NAV1: variants seen among roughly 807,000 people sequenced by gnomAD.
NAV1 encodes the protein neuron navigator 1.
In NAV1, 18 loss-of-function variants were observed where a neutral mutation model predicts 175.2. The ratio of observed to expected loss-of-function variants is 0.10; its 90% confidence interval spans 0.07 to 0.15. The LOEUF is 0.15. Among genes scored for constraint, NAV1 ranks in the 10% least tolerant of loss-of-function variants. The pLI, the probability that NAV1 is intolerant of heterozygous loss-of-function variation, is 1.00. For missense variants in NAV1, 1,731 were observed against 2,436.6 expected, an observed-to-expected ratio of 0.71 and a Z score of 6.10; for synonymous variants, 897 against 978.7, an observed-to-expected ratio of 0.92 and a Z score of 1.56.
intron 1 of NAV1, among the ~76,000 whole-genome samples, chr1:201,582,065 C>T (rs991502152): frequency 2.0e-5 from 3 of 152,202 alleles, no homozygotes; most frequent in Non-Finnish European, 4.4e-5. Flanking sequence ...CACTGCACTC[C>T]AGACTGGGTG....
chr1:201,760,769 A>T (rs1674787530), intron 3 of NAV1, among the ~76,000 whole-genome samples: 1 of 152,164 alleles, frequency 6.6e-6, no homozygotes, highest in Non-Finnish European at 1.5e-5. Flanking sequence ...ACAAAGGGTC[A>T]TTGTGTCACA....
intron 1 of NAV1, among the ~76,000 whole-genome samples, chr1:201,550,010 CAAAAAAAAAA>C (rs1186985996): frequency 5.7e-5 from 1 of 17,696 alleles, no homozygotes; most frequent in Non-Finnish European, 1.1e-4. Flanking sequence ...GACTCCATCT[CAAAAAAAAAA>C]AAAAAAAAAA....
chr1:201,541,387 G>A (rs960792775), intron 1 of NAV1, among the ~76,000 whole-genome samples: 1 of 152,154 alleles, frequency 6.6e-6, no homozygotes, highest in Non-Finnish European at 1.5e-5. Flanking sequence ...TCCCTCAAAA[G>A]CAGTTCATAA....
At chr1:201,619,312 G>C (rs1007239412), upstream of NAV1, among the ~76,000 whole-genome samples, 1 of 152,248 alleles carries the variant, frequency 6.6e-6, no homozygotes, top group Non-Finnish European at 1.5e-5. Flanking sequence ...GAGTCAAGGG[G>C]CTGGGAGCCC....
chr1:201,809,817 T>C (rs922100447), intron 22 of NAV1, 129 bp from the exon 27 acceptor site: 62 of 946,452 alleles, frequency 6.6e-5, no homozygotes, highest in Non-Finnish European at 8.9e-5. Context: ...GGAGAAATGC[T>C]ACCTAGGAAA....
intron 2 of NAV1, among the ~76,000 whole-genome samples, chr1:201,590,694 G>C (rs563014714): frequency 6.6e-6 from 1 of 152,224 alleles, no homozygotes; most frequent in South Asian, 2.1e-4. Flanking sequence ...CCAGGAGTCA[G>C]AGCATCTAGG....
chr1:201,696,662 A>G (rs1398264158), intron 1 of NAV1, among the ~76,000 whole-genome samples: 1 of 152,186 alleles, frequency 6.6e-6, no homozygotes. Context: ...TGATTCCAGC[A>G]TGAGTCAGGA....
chr1:201,717,528 C>G (rs1227149395), intron 2 of NAV1, among the ~76,000 whole-genome samples: 1 of 152,214 alleles, frequency 6.6e-6, no homozygotes, highest in East Asian at 1.9e-4. Flanking sequence ...CCTAGTCCCC[C>G]AGGTTCCCCT....
At chr1:201,598,303 TAAAG>T (rs934062103) in intron 2 of NAV1, among the ~76,000 whole-genome samples, 2 of 152,056 alleles carry the variant, frequency 1.3e-5, no homozygotes, top group African/African-American at 4.8e-5. Context: ...AACTTGAAGA[TAAAG>T]AATGAGGCAG....
chr1:201,685,710 A>G lies in NAV1; in HGVS notation c.758-27107A>G, dbSNP rs1296630959. Reference sequence around the variant, plus strand: ...CAGGGCATGTATGTGACTCTAAACCAAGTCCACAAGACTTGAAATGACTTA... The same window carrying G: ...CAGGGCATGTATGTGACTCTAAACCGAGTCCACAAGACTTGAAATGACTTA... On this transcript the variant is annotated intron_variant, in intron 1 of 29. Transcript: ENST00000367296. Among the ~76,000 whole-genome samples the G allele has an allele frequency of 2.0e-5, 3 of 152,318 alleles. No individual in the cohort carries two copies. In the East Asian group the frequency reaches 5.8e-4, roughly 29 times the overall value.
intron 1 of NAV1, among the ~76,000 whole-genome samples, chr1:201,549,083 CTTT>C (rs1557992084): frequency 2.4e-4 from 15 of 63,426 alleles, no homozygotes; most frequent in South Asian, 6.3e-4. Flanking sequence ...TTTTCTCTTT[CTTT>C]CTTTCTTTCT....
At position 201,803,288 on chromosome 1, in the gene NAV1, T is replaced by G. The variant is rs114137949; in HGVS notation, c.3518-305T>G. ...GTAGGTTGATATCTCCATAAAACTG[T>G]AGAGGGCTGGCTTTAGTTAAGTCCT... On this transcript the variant is annotated intron_variant, in intron 15 of 29. Coordinates refer to ENST00000367296, the Ensembl canonical transcript of NAV1. 4.7e-3 allele frequency among the ~76,000 whole-genome samples: 716 copies of G among 152,304 alleles called. 4 individuals are homozygous for G. Among genetic ancestry groups the G allele is most frequent in the African/African-American group, 0.016 (678 of 41,568 alleles).
At chr1:201,636,281 C>A (rs1668616439) in intron 2 of NAV1, among the ~76,000 whole-genome samples, 1 of 152,192 alleles carries the variant, frequency 6.6e-6, no homozygotes, top group African/African-American at 2.4e-5. Flanking sequence ...GAAACTGGAA[C>A]ACACCATCCC....
chr1:201,822,968 A>G (rs1679475242), exon 30 of NAV1: 1 of 152,646 alleles, frequency 6.6e-6, no homozygotes, highest in African/African-American at 2.4e-5. Flanking sequence ...CAAGGAGCAA[A>G]TCTACAGCAT....
At chr1:201,785,170 A>T in intron 7 of NAV1, 140 bp from the exon 12 acceptor site, 1 of 736,424 alleles carries the variant, frequency 1.4e-6, no homozygotes, top group Non-Finnish European at 2.2e-6. Flanking sequence ...CTTGGTTTCT[A>T]GAGCTAAAGC....
At chr1:201,730,209 G>A (rs1367559231) in intron 3 of NAV1, among the ~76,000 whole-genome samples, 14 of 152,196 alleles carry the variant, frequency 9.2e-5, no homozygotes, top group African/African-American at 3.4e-4. Context: ...AGCATGCATG[G>A]TTTGCACACA....
At chr1:201,806,693 G>A (rs1164233060) in intron 17 of NAV1, among the ~76,000 whole-genome samples, 2 of 152,212 alleles carry the variant, frequency 1.3e-5, no homozygotes, top group East Asian at 3.8e-4. Context: ...TCTCTACAGA[G>A]AAATGAGCTT....
rs1673351737 is a variant in NAV1 at position 201,740,511 on chromosome 1, AG to A, written c.1226+21757del. ...GCGGGTGGAAGGAGGAGGGGCTTGC[AG>A]CCCCAGGTCGGCCCTGCCAAGGTCA... is the stretch of plus-strand genomic sequence containing the variant. On this transcript the variant is annotated intron_variant, in intron 3 of 29. Coordinates refer to ENST00000367296, the Ensembl canonical transcript of NAV1. The surrounding 1 kb of genome is among the most constrained non-coding windows in gnomAD (Gnocchi z 4.7). Among the ~76,000 whole-genome samples, 1 of 152,118 alleles carries A rather than the reference AG, an allele frequency of 6.6e-6. No homozygotes were observed. The highest frequency in any genetic ancestry group is 2.4e-5 in the African/African-American group (1 of 41,426).
intron 1 of NAV1, among the ~76,000 whole-genome samples, chr1:201,696,061 C>G (rs986420630): frequency 6.6e-6 from 1 of 152,212 alleles, no homozygotes; most frequent in Non-Finnish European, 1.5e-5. Context: ...CCAGGGGTCT[C>G]TGCATCCAGC....
Sources: gnomAD v4.1 joint callset for allele counts (sites outside exome capture counted in the v4.1 genomes callset) on GRCh38, gnomAD v4.1.1 for gene constraint, Gnocchi (gnomAD v3.1) non-coding constraint, MANE v1.5 for transcripts, NCBI Gene and HGNC (gene_info 2026-07-23, HGNC 2026-07-21) for gene names.